The following GNAQ variants were observed in gnomAD, a reference collection of about 807,000 sequenced individuals.
GNAQ encodes G protein subunit alpha q, also known as guanine nucleotide-binding protein G(q) subunit alpha.
In GNAQ, 8 loss-of-function variants were observed where a neutral mutation model predicts 43.9. That is an observed-to-expected ratio of 0.18 (90% confidence interval 0.11 to 0.33). The LOEUF (loss-of-function observed/expected upper bound fraction) is 0.33. GNAQ is among the 10% of genes least tolerant of loss of function. The probability of loss-of-function intolerance (pLI) is 1.00; values close to 1 mark genes in which losing one functional copy is unlikely to be tolerated. For synonymous variants in GNAQ, 155 were observed against 170.7 expected, an observed-to-expected ratio of 0.91 and a Z score of 0.71; for missense variants, 158 against 450.8, an observed-to-expected ratio of 0.35 and a Z score of 5.88.
chr9:77,884,632 G>A (rs1828271980), intron 2 of GNAQ, among the ~76,000 whole-genome samples: 1 of 152,110 alleles, frequency 6.6e-6, no homozygotes, highest in Admixed American at 6.6e-5. Context: ...ACCTATACCT[G>A]TTGTCATCAT....
At chr9:78,017,058 A>C (rs912089542) in intron 1 of GNAQ, among the ~76,000 whole-genome samples, 17 of 152,228 alleles carry the variant, frequency 1.1e-4, no homozygotes, top group African/African-American at 3.1e-4. Flanking sequence ...AATACCCAAC[A>C]ATGTTCACTG....
intron 5 of GNAQ, among the ~76,000 whole-genome samples, chr9:77,790,569 T>C (rs192877463): frequency 5.0e-4 from 76 of 152,312 alleles, no homozygotes; most frequent in Admixed American, 1.4e-3. Context: ...CTCTGGCTGG[T>C]CTACTACTAC....
At chr9:77,951,791 T>C (rs960671969) in intron 1 of GNAQ, among the ~76,000 whole-genome samples, 10 of 152,182 alleles carry the variant, frequency 6.6e-5, no homozygotes, top group Admixed American at 3.9e-4. Flanking sequence ...CTCGATGAGT[T>C]ATCAGATCCA....
rs769755323 is a variant in GNAQ, at chr9:77,891,387, T to G, written c.321+30774A>C. On this transcript the variant is annotated intron_variant, in intron 2 of 6. Coordinates refer to ENST00000286548, the MANE Select transcript of GNAQ (RefSeq NM_002072.5). ...CCTTTACCTAAAATAGGTTGTTTTT[T>G]GGGGAGGGGAGGAAGTAGGAGATCG... is the stretch of plus-strand genomic sequence containing the variant. 1.1e-4 allele frequency among the ~76,000 whole-genome samples: 17 copies of G among 152,198 alleles called. 1 individual carries two copies. The highest frequency in any genetic ancestry group is 5.9e-4 in the Admixed American group (9 of 15,272).
intron 1 of GNAQ, among the ~76,000 whole-genome samples, chr9:77,963,449 G>A (rs1313823783): frequency 2.0e-5 from 3 of 152,090 alleles, no homozygotes; most frequent in Non-Finnish European, 4.4e-5. Context: ...GCTTTCCGTG[G>A]AAATTTTAAA....
chr9:77,878,593 C>T (rs572352924), intron 2 of GNAQ, among the ~76,000 whole-genome samples: 1 of 151,576 alleles, frequency 6.6e-6, no homozygotes, highest in East Asian at 1.9e-4. Flanking sequence ...TTGATTATTT[C>T]AACCCCTAAT....
chr9:78,025,232 C>G (rs1823962650), intron 1 of GNAQ, among the ~76,000 whole-genome samples: 1 of 151,802 alleles, frequency 6.6e-6, no homozygotes, highest in Non-Finnish European at 1.5e-5. Context: ...GAACAACTTC[C>G]TATAATTTTA....
chr9:77,946,557 T>C (rs1822901930), intron 1 of GNAQ, among the ~76,000 whole-genome samples: 3 of 152,204 alleles, frequency 2.0e-5, no homozygotes, highest in Admixed American at 1.3e-4. Context: ...CCTGGGCGTA[T>C]GACCCAGCAG....
At chr9:77,748,338 G>T (rs1825761700) in intron 5 of GNAQ, among the ~76,000 whole-genome samples, 1 of 152,132 alleles carries the variant, frequency 6.6e-6, no homozygotes, top group Non-Finnish European at 1.5e-5. Context: ...AATGACTGAG[G>T]TTTTCCTAAA....
intron 1 of GNAQ, among the ~76,000 whole-genome samples, chr9:77,961,049 T>C (rs1051395309): frequency 6.6e-6 from 1 of 152,174 alleles, no homozygotes; most frequent in African/African-American, 2.4e-5. Flanking sequence ...ACTCTTTCCT[T>C]TAAAAGTAAT....
intron 5 of GNAQ, among the ~76,000 whole-genome samples, chr9:77,747,937 A>G (rs1825754845): frequency 6.6e-6 from 1 of 152,176 alleles, no homozygotes; most frequent in Middle Eastern, 3.2e-3. Context: ...TTTTCTATTA[A>G]GCCATGTTGG....
intron 1 of GNAQ, among the ~76,000 whole-genome samples, chr9:78,012,030 T>C (rs1000146241): frequency 2.6e-5 from 4 of 152,158 alleles, no homozygotes; most frequent in East Asian, 1.9e-4. Context: ...TTTCATGTTA[T>C]AGAAACAAAT....
At chr9:77,887,014 T>C (rs1280825999) in intron 2 of GNAQ, among the ~76,000 whole-genome samples, 2 of 151,728 alleles carry the variant, frequency 1.3e-5, no homozygotes, top group East Asian at 1.9e-4. Context: ...CCCAGTTACT[T>C]TGGAGGCTAA....
At chr9:77,872,307 A>C (rs1324336934) in intron 2 of GNAQ, among the ~76,000 whole-genome samples, 8 of 152,182 alleles carry the variant, frequency 5.3e-5, no homozygotes, top group Non-Finnish European at 1.2e-4. Flanking sequence ...TTACCATTAA[A>C]CTACTAGGAT....
chr9:77,779,048 C>T (rs1826347483), intron 5 of GNAQ, among the ~76,000 whole-genome samples: 1 of 151,946 alleles, frequency 6.6e-6, no homozygotes, highest in Non-Finnish European at 1.5e-5. Context: ...CTGTATTCAA[C>T]AATGCCATCA....
At chr9:77,894,406 A>ATATATTTAATAGAAAAAATAT in intron 2 of GNAQ, among the ~76,000 whole-genome samples, 55 of 6,884 alleles carry the variant, frequency 8.0e-3, no homozygotes, top group African/African-American at 0.019. Context: ...TATATTTTAT[A>ATATATTTAATAGAAAAAATAT]TATATATTTA....
intron 2 of GNAQ, among the ~76,000 whole-genome samples, chr9:77,898,324 AC>A (rs1184101082): frequency 6.6e-6 from 1 of 152,228 alleles, no homozygotes; most frequent in Non-Finnish European, 1.5e-5. Context: ...CTTTGACAGA[AC>A]AGATGCTCAA....
chr9:77,830,696 G>A (rs1228346118), intron 2 of GNAQ, among the ~76,000 whole-genome samples: 1 of 152,124 alleles, frequency 6.6e-6, no homozygotes, highest in East Asian at 1.9e-4. Context: ...TCCCTTCAAG[G>A]CCAAAGAGCA....
chr9:77,838,137 ATTTTTT>A (rs574992587), intron 2 of GNAQ, among the ~76,000 whole-genome samples: 14 of 87,186 alleles, frequency 1.6e-4, no homozygotes, highest in Non-Finnish European at 2.7e-4. Flanking sequence ...GGCATTAATG[ATTTTTT>A]TTTTTTTTTT....
Sources: allele counts gnomAD v4.1 joint callset (sites outside exome capture counted in the v4.1 genomes callset), GRCh38; gene constraint gnomAD v4.1.1; transcripts MANE v1.5; gene names NCBI Gene and HGNC (gene_info 2026-07-23, HGNC 2026-07-21).